Variants in PLIN2 observed in about 807,000 individuals in gnomAD.
PLIN2 encodes the protein perilipin-2.
A neutral mutation model predicts 30.6 loss-of-function variants in PLIN2; 33 were observed. The ratio of observed to expected loss-of-function variants is 1.08; its 90% confidence interval spans 0.82 to 1.44. PLIN2 has a LOEUF of 1.44. Ranked by LOEUF, PLIN2 falls within the 40% of genes most tolerant of loss-of-function variation. The pLI is 0.00. For missense variants in PLIN2, 610 were observed against 531.8 expected (o/e 1.15, Z -1.45); for synonymous variants, 205 against 201.1 (o/e 1.02, Z -0.16).
intron 3 of PLIN2, 189 bp downstream of exon 3, chr9:19,125,922 CAAA>C (rs11394383): frequency 2.6e-3 from 1,056 of 406,256 alleles, no homozygotes; most frequent in South Asian, 4.7e-3. Flanking sequence ...GACTCCATCT[CAAA>C]AAAAAAAAAA....
intron 3 of PLIN2, chr9:19,125,884 C>A (rs1010894066): frequency 1.1e-4 from 46 of 411,370 alleles, no homozygotes; most frequent in South Asian, 6.8e-4. Flanking sequence ...GACTGCGCCA[C>A]TGAACTCCAG....
rs779688213 is a variant in PLIN2, at chr9:19,126,296, C to A, written c.44G>T (p.Arg15Leu). The change falls in exon 3 of 8, where the codon CGG (arginine) becomes CTG (leucine). Residue 15 changes from arginine to leucine, a missense_variant. By Grantham distance (102) the Arg-to-Leu change is moderately radical. Transcript: ENST00000276914. ...AVDPQPSVVT[R>L]VVNLPLVSST... is the part of the protein sequence containing the mutation. ...GCTCACCAAGGGCAGGTTGACCACC[C>A]GAGTCACCACACTCTGCAATCAAAG... 1 of 1,613,824 alleles carries A rather than the reference C, an allele frequency of 6.2e-7. No homozygotes were observed. The highest frequency in any genetic ancestry group is 1.1e-5 in the South Asian group (1 of 91,054).
intron 7 of PLIN2, 147 bp downstream of exon 7, chr9:19,118,174 G>T: frequency 1.4e-6 from 1 of 717,682 alleles, no homozygotes; most frequent in Non-Finnish European, 2.2e-6. Context: ...TTGCTTTTCT[G>T]CCACATAACT....
At chr9:19,115,346 C>T (rs1456197577), downstream of PLIN2, among the ~76,000 whole-genome samples, 3 of 139,992 alleles carry the variant, frequency 2.1e-5, no homozygotes, top group East Asian at 2.1e-4. Context: ...CTTGCTCTTT[C>T]GCCCAGGCCA....
downstream of PLIN2, among the ~76,000 whole-genome samples, chr9:19,114,727 CT>C (rs1334806782): frequency 1.3e-5 from 2 of 152,106 alleles, no homozygotes; most frequent in African/African-American, 4.8e-5. Flanking sequence ...CTGAGACTCA[CT>C]TTTAAAAACT....
intron 4 of PLIN2, among the ~76,000 whole-genome samples, chr9:19,122,010 G>C (rs963873431): frequency 2.7e-5 from 4 of 149,634 alleles, no homozygotes; most frequent in African/African-American, 9.8e-5. Context: ...TGGGGAGGCT[G>C]AAGCAGGACA....
downstream of PLIN2, among the ~76,000 whole-genome samples, chr9:19,111,747 C>A (rs918571678): frequency 2.0e-4 from 31 of 152,076 alleles, no homozygotes; most frequent in African/African-American, 7.5e-4. Context: ...TGACCTGTAG[C>A]CCTATATCTT....
chr9:19,116,637 G>A lies in PLIN2; in HGVS notation c.925C>T (p.Arg309Cys), dbSNP rs759915698. The change falls in exon 8 of 8, where the codon CGT (arginine) becomes TGT (cysteine). Residue 309 changes from arginine (R) to cysteine (C), a missense_variant. Physicochemically the swap from Arg to Cys is radical, Grantham distance 180. Coordinates refer to ENST00000276914, the MANE Select transcript of PLIN2 (RefSeq NM_001122.4). ...AGGTTGCGGGCAATTGCAAGAGTACGTGACTCAATGTGCTAAAAATAAAAC... is the reference window on the plus strand; with the variant it reads ...AGGTTGCGGGCAATTGCAAGAGTACATGACTCAATGTGCTAAAAATAAAAC... Reference protein sequence around the residue: ...ESHCAEHIESRTLAIARNLTQ... With the variant: ...ESHCAEHIESCTLAIARNLTQ... 33 of 1,610,760 alleles carry A rather than the reference G, an allele frequency of 2.0e-5. No homozygotes were observed. In the Middle Eastern group the frequency reaches 8.2e-4, roughly 40 times the overall value.
At chr9:19,121,988 G>T (rs1818325566) in intron 4 of PLIN2, among the ~76,000 whole-genome samples, 2 of 151,184 alleles carry the variant, frequency 1.3e-5, no homozygotes, top group Non-Finnish European at 3.0e-5. Context: ...GCGTGCCTGT[G>T]AACCCAGCTA....
intron 2 of PLIN2, among the ~76,000 whole-genome samples, chr9:19,109,170 A>G (rs1364844331): frequency 3.3e-5 from 5 of 152,234 alleles, no homozygotes; most frequent in Non-Finnish European, 5.9e-5. Context: ...TGCACAGGAA[A>G]GCCTTTAGGG....
downstream of PLIN2, among the ~76,000 whole-genome samples, chr9:19,114,750 T>G (rs1172147805): frequency 6.6e-6 from 1 of 152,164 alleles, no homozygotes; most frequent in South Asian, 2.1e-4. Flanking sequence ...GTTTGACATA[T>G]TTCATCTGTG....
At chr9:19,123,979 T>C (rs1365296707) in intron 3 of PLIN2, among the ~76,000 whole-genome samples, 5 of 148,070 alleles carry the variant, frequency 3.4e-5, no homozygotes, top group South Asian at 2.1e-4. Context: ...AGATGCATCA[T>C]TGCACTCCAG....
chr9:19,120,378 T>C (rs1225607449), intron 5 of PLIN2, among the ~76,000 whole-genome samples: 1 of 152,150 alleles, frequency 6.6e-6, no homozygotes, highest in Non-Finnish European at 1.5e-5. Flanking sequence ...AGCGGCATGG[T>C]ACCTGGCACA....
downstream of PLIN2, among the ~76,000 whole-genome samples, chr9:19,115,166 G>T (rs1056288023): frequency 7.9e-5 from 12 of 152,212 alleles, no homozygotes; most frequent in African/African-American, 2.7e-4. Flanking sequence ...CCCACTCACA[G>T]GGGTCCAGTA....
intron 5 of PLIN2, 150 bp from the exon 6 acceptor site, chr9:19,119,981 G>A: frequency 1.8e-6 from 1 of 566,900 alleles, no homozygotes; most frequent in South Asian, 2.4e-5. Flanking sequence ...CACGTCTGCT[G>A]CTGGACTTGA....
intron 1 of PLIN2, 122 bp from the exon 2 acceptor site, chr9:19,126,570 G>A: frequency 1.5e-6 from 1 of 652,406 alleles, no homozygotes; most frequent in Non-Finnish European, 2.7e-6. Context: ...GTAGTCTTCT[G>A]CACTTCTTTC....
At chr9:19,110,445 A>G (rs1405559044) in intron 2 of PLIN2, among the ~76,000 whole-genome samples, 1 of 152,134 alleles carries the variant, frequency 6.6e-6, no homozygotes, top group Non-Finnish European at 1.5e-5. Flanking sequence ...AATTGAAAAA[A>G]TGGAAATTTT....
chr9:19,114,723 C>T (rs942789177), downstream of PLIN2, among the ~76,000 whole-genome samples: 1 of 152,108 alleles, frequency 6.6e-6, no homozygotes, highest in African/African-American at 2.4e-5. Flanking sequence ...AGTTCTGAGA[C>T]TCACTTTTAA....
chr9:19,111,943 G>A (rs145125619), downstream of PLIN2, among the ~76,000 whole-genome samples: 1,038 of 152,204 alleles, frequency 6.8e-3, 5 homozygotes, highest in Non-Finnish European at 0.011. Context: ...CAAAGTGGAT[G>A]TATTTTCCTA....
Sources: allele counts gnomAD v4.1 joint callset (sites outside exome capture counted in the v4.1 genomes callset), GRCh38; gene constraint gnomAD v4.1.1; transcripts MANE v1.5; gene names NCBI Gene and HGNC (gene_info 2026-07-23, HGNC 2026-07-21).